BICC1: variants seen among roughly 807,000 people sequenced by gnomAD.
BICC1 encodes BicC family RNA binding protein 1.
In BICC1, 43 loss-of-function variants were observed where a neutral mutation model predicts 111.0. The observed-to-expected ratio is 0.39, with a 90% CI of 0.30 to 0.50. The LOEUF is 0.50. BICC1 is among the 20% of genes least tolerant of loss of function. BICC1 has a pLI of 0.88. For synonymous variants in BICC1, 467 were observed against 434.4 expected (o/e 1.07, Z -0.93); for missense variants, 1,091 against 1,203.2 (o/e 0.91, Z 1.38).
chr10:58,743,270 T>C (rs951219207), intron 3 of BICC1, among the ~76,000 whole-genome samples: 1 of 152,150 alleles, frequency 6.6e-6, no homozygotes, highest in African/African-American at 2.4e-5. Context: ...CTTTGTGATA[T>C]CTGATTTCTT....
intron 2 of BICC1, among the ~76,000 whole-genome samples, chr10:58,648,950 A>G (rs970562413): frequency 2.6e-5 from 4 of 152,214 alleles, no homozygotes; most frequent in African/African-American, 9.6e-5. Flanking sequence ...ATCTGCCAAC[A>G]CTTGAAGGCA....
intron 2 of BICC1, among the ~76,000 whole-genome samples, chr10:58,683,689 G>T (rs1054551431): frequency 2.6e-5 from 4 of 152,210 alleles, no homozygotes; most frequent in African/African-American, 9.6e-5. Flanking sequence ...TCTGTTATTG[G>T]TGTATAGGAG....
intron 1 of BICC1, among the ~76,000 whole-genome samples, chr10:58,526,365 T>C (rs940651074): frequency 5.9e-5 from 9 of 151,854 alleles, no homozygotes; most frequent in African/African-American, 2.2e-4. Context: ...CAAACCACCC[T>C]CCCGAATAGG....
chr10:58,796,444 A>G lies in BICC1; in HGVS notation c.1284A>G (p.Pro428=). The change falls in exon 10 of 21, where the codon CCA becomes CCG. Residue 428 remains proline, a synonymous_variant. Coordinates refer to ENST00000373886, the MANE Select transcript of BICC1 (RefSeq NM_001080512.3). ...GTGGGGTTACCATAGCAACCAGTCC[A>G]TCCCCAGCATCCTGCCCTGCCGGCC... is the stretch of plus-strand genomic sequence containing the variant. The part of the protein sequence containing the change: ...ESSGVTIATS[P]SPASCPAGLA... The G allele has an allele frequency of 6.2e-7, 1 of 1,614,146 alleles. No individual in the cohort carries two copies. The highest frequency in any genetic ancestry group is 8.5e-7 in the Non-Finnish European group (1 of 1,180,018).
chr10:58,547,292 C>A (rs1041541331), intron 1 of BICC1, among the ~76,000 whole-genome samples: 1 of 152,104 alleles, frequency 6.6e-6, no homozygotes, highest in Non-Finnish European at 1.5e-5. Flanking sequence ...TTCTCAGACT[C>A]CTCTTGCTTT....
At chr10:58,671,047 C>G (rs951009125) in intron 2 of BICC1, among the ~76,000 whole-genome samples, 12 of 152,176 alleles carry the variant, frequency 7.9e-5, no homozygotes, top group Non-Finnish European at 1.6e-4. Context: ...TCTTGTCTTT[C>G]TAACCACATG....
In BICC1 at chr10:58,744,341, A is replaced by G. The variant is rs570787134; in HGVS notation, c.308-40660A>G. On this transcript the variant is annotated intron_variant, in intron 3 of 20. Transcript: ENST00000373886. ...AAGCTCTCTCAGTGTTTTGGCATAT[A>G]TCTTTCCCCACTCAATTTTTCTTCC... Among the ~76,000 whole-genome samples, 7 of 152,208 alleles carry G rather than the reference A, an allele frequency of 4.6e-5. No individual in the cohort carries two copies. In the East Asian group the frequency reaches 1.4e-3, roughly 29 times the overall value.
intron 1 of BICC1, among the ~76,000 whole-genome samples, chr10:58,587,925 T>C (rs201838179): frequency 2.0e-5 from 3 of 152,176 alleles, no homozygotes; most frequent in Non-Finnish European, 4.4e-5. Context: ...TCATGATTAA[T>C]GGTCAGGAAG....
chr10:58,648,935 G>C (rs1324887974), intron 2 of BICC1, among the ~76,000 whole-genome samples: 1 of 152,164 alleles, frequency 6.6e-6, no homozygotes, highest in Non-Finnish European at 1.5e-5. Flanking sequence ...AGAGTGCTTT[G>C]AAAGATCTGC....
chr10:58,654,640 C>A (rs1838571476), intron 2 of BICC1, among the ~76,000 whole-genome samples: 1 of 84,442 alleles, frequency 1.2e-5, no homozygotes, highest in African/African-American at 4.0e-5. Flanking sequence ...GTTGCCTGTT[C>A]ACTCTGATAG....
At chr10:58,623,536 C>T (rs914865275) in intron 2 of BICC1, among the ~76,000 whole-genome samples, 2 of 152,072 alleles carry the variant, frequency 1.3e-5, no homozygotes, top group Non-Finnish European at 2.9e-5. Context: ...TCCCCAAAAC[C>T]CCAACAATAT....
intron 20 of BICC1, among the ~76,000 whole-genome samples, chr10:58,820,863 G>A (rs1038643769): frequency 1.3e-5 from 2 of 152,066 alleles, no homozygotes; most frequent in Non-Finnish European, 2.9e-5. Flanking sequence ...CTTGCACACC[G>A]ACTGAGTTCA....
chr10:58,569,234 T>C (rs1348585996), intron 1 of BICC1, among the ~76,000 whole-genome samples: 1 of 152,174 alleles, frequency 6.6e-6, no homozygotes, highest in African/African-American at 2.4e-5. Flanking sequence ...CATTTGGAGA[T>C]GGTATGACTC....
At chr10:58,713,549 A>C (rs1840643917) in intron 3 of BICC1, among the ~76,000 whole-genome samples, 1 of 152,230 alleles carries the variant, frequency 6.6e-6, no homozygotes, top group Non-Finnish European at 1.5e-5. Context: ...AGTGAATTGT[A>C]AGTGATGTAG....
intron 5 of BICC1, among the ~76,000 whole-genome samples, chr10:58,787,316 G>A (rs1002919648): frequency 3.9e-5 from 6 of 152,084 alleles, no homozygotes; most frequent in Non-Finnish European, 7.4e-5. Context: ...AAAAAATAGC[G>A]GAAGATGTAA....
chr10:58,580,354 C>G (rs1294247816), intron 1 of BICC1, among the ~76,000 whole-genome samples: 1 of 152,090 alleles, frequency 6.6e-6, no homozygotes, highest in East Asian at 1.9e-4. Flanking sequence ...ACAGGTTGAG[C>G]ATCCCAAATC....
At chr10:58,798,961 T>TTTTC in intron 11 of BICC1, 95 bp from the exon 12 acceptor site, 1 of 984,432 alleles carries the variant, frequency 1.0e-6, no homozygotes, top group East Asian at 2.6e-5. Context: ...TTTTCTGAAC[T>TTTTC]TGCAGCAACA....
rs151272179 is a variant in BICC1, at chr10:58,609,639, C to T, written c.191-11216C>T. 1.2e-3 allele frequency among the ~76,000 whole-genome samples: 179 copies of T among 152,230 alleles called. 2 individuals are homozygous for T. The East Asian group carries it at 0.031, about 26-fold the overall frequency. ...GATTTTTTACATTCTTTTTTTACTA[C>T]GTTTTCAAAATCCTGTTTGCATTTT... On this transcript the variant is annotated intron_variant, in intron 1 of 20. Transcript: ENST00000373886.
intron 1 of BICC1, among the ~76,000 whole-genome samples, chr10:58,543,017 G>T (rs1476985033): frequency 2.6e-5 from 4 of 152,038 alleles, no homozygotes; most frequent in East Asian, 1.9e-4. Flanking sequence ...TCACTTCTGG[G>T]TTTATATACA....
Sources: allele counts gnomAD v4.1 joint callset (sites outside exome capture counted in the v4.1 genomes callset), GRCh38; gene constraint gnomAD v4.1.1; transcripts MANE v1.5; gene names NCBI Gene and HGNC (gene_info 2026-07-23, HGNC 2026-07-21).